The following PRRC2A variants were observed in gnomAD, a reference collection of about 807,000 sequenced individuals.
The protein encoded by PRRC2A is proline rich coiled-coil 2A.
Under a neutral mutation model 224.6 loss-of-function variants are expected in PRRC2A, and 59 were observed. That is an observed-to-expected ratio of 0.26 (90% CI 0.21 to 0.33). The LOEUF (loss-of-function observed/expected upper bound fraction) is 0.33. PRRC2A is among the 10% of genes least tolerant of loss of function. The pLI, the probability that PRRC2A is intolerant of heterozygous loss-of-function variation, is 1.00. For synonymous variants in PRRC2A, 1,194 were observed against 1,109.5 expected, an observed-to-expected ratio of 1.08 and a Z score of -1.51; for missense variants, 3,095 against 2,880.7, an observed-to-expected ratio of 1.07 and a Z score of -1.70.
Position 31,631,256 on chromosome 6 carries a change from C to G in PRRC2A, c.2583C>G (p.Pro861=). The G allele has an allele frequency of 6.2e-7, 1 of 1,612,362 alleles. No homozygotes were observed. Among genetic ancestry groups the G allele is most frequent in the South Asian group, 1.1e-5 (1 of 90,998 alleles). The change falls in exon 16 of 31, where the codon CCC becomes CCG. Residue 861 remains proline, a synonymous_variant. Coordinates refer to ENST00000376033, the MANE Select transcript of PRRC2A (RefSeq NM_004638.4). The surrounding 1 kb of genome is among the most constrained non-coding windows in gnomAD (Gnocchi z 4.5). The part of the protein sequence containing the change: ...ISRFPLEEPG[P]RPLPWPPGSD... Reference sequence around the variant, plus strand: ...GCTTTCCTCTGGAGGAACCAGGGCCCCGTCCACTCCCCTGGCCCCCAGGCA... The same window carrying G: ...GCTTTCCTCTGGAGGAACCAGGGCCGCGTCCACTCCCCTGGCCCCCAGGCA...
At position 31,633,921 on chromosome 6, in the gene PRRC2A, G is replaced by T; in HGVS notation, c.4651G>T (p.Ala1551Ser). Reference protein sequence around the residue: ...RGVGGTPRDSAGVSPFPPKRR... With the variant: ...RGVGGTPRDSSGVSPFPPKRR... The stretch of plus-strand genomic sequence containing the variant: ...GGTGGGTGGGACTCCTCGGGACTCT[G>T]CCGGGGTTAGTCCCTTTCCCCCTAA... The change falls in exon 18 of 31, where the codon GCC becomes TCC. Residue 1551 changes from alanine to serine, a missense_variant. Transcript: ENST00000376033. The T allele has an allele frequency of 6.3e-7, 1 of 1,588,714 alleles. No homozygotes were observed. Among genetic ancestry groups the T allele is most frequent in the Non-Finnish European group, 8.5e-7 (1 of 1,173,966 alleles).
At position 31,625,463 on chromosome 6, in the gene PRRC2A, C is replaced by G. The variant is rs766293194; in HGVS notation, c.611C>G (p.Ser204Cys). 1.3e-6 allele frequency: 2 copies of G among 1,598,446 alleles called. No individual in the cohort carries two copies. Among genetic ancestry groups the G allele is most frequent in the South Asian group, 2.2e-5 (2 of 89,802 alleles). The part of the protein sequence containing the change: ...GPGPSLRPQN[S>C]TTWRDGGGRG... ...CTCTACCTTTTCCAAAATACAGATT[C>G]TACAACTTGGAGGGACGGAGGTGGG... The change falls in exon 7 of 31, where the codon TCT becomes TGT. Residue 204 changes from serine (S) to cysteine (C), a missense_variant. Ser to Cys is a moderately radical substitution (Grantham distance 112, BLOSUM62 -1). Around this residue, in one of 8 missense-constraint regions of PRRC2A, gnomAD observed 287 missense variants for 275.3 expected, o/e 1.04. Transcript: ENST00000376033. The surrounding 1 kb of genome is among the most constrained non-coding windows in gnomAD (Gnocchi z 4.1).
At position 31,628,088 on chromosome 6, in the gene PRRC2A, A is replaced by G; in HGVS notation, c.1614A>G (p.Ser538=). ...LPAPPAPPPA[S]APTPETEPEE... Reference sequence around the variant, plus strand: ...CACCTCCAGCTCCACCTCCAGCATCAGCCCCAACACCAGAGACAGAACCTG... The same window carrying G: ...CACCTCCAGCTCCACCTCCAGCATCGGCCCCAACACCAGAGACAGAACCTG... The change falls in exon 12 of 31, where the codon TCA becomes TCG. Residue 538 remains serine, a synonymous_variant. Transcript: ENST00000376033. 1.2e-6 allele frequency: 2 copies of G among 1,613,050 alleles called. No homozygotes were observed. Among genetic ancestry groups the G allele is most frequent in the Non-Finnish European group, 1.7e-6 (2 of 1,179,940 alleles).
rs1776829930 is a variant in PRRC2A, at chr6:31,632,904, A to AG, written c.4232dup (p.Ser1411ArgfsTer74). 3.7e-6 allele frequency: 6 copies of AG among 1,612,692 alleles called. No individual in the cohort carries two copies. In the African/African-American group the frequency reaches 6.7e-5, roughly 18 times the overall value. ...GGGCAAGGCTGGCAGCAGTGGCAGC[A>AG]GCAGTGGAGGAGGCGGTGGGGGTCC... On this transcript the variant is annotated frameshift_variant, in exon 16 of 31. Coordinates refer to ENST00000376033, the MANE Select transcript of PRRC2A (RefSeq NM_004638.4). LOFTEE classifies it high-confidence loss of function.
Sources: allele counts gnomAD v4.1 joint callset, GRCh38; gene constraint gnomAD v4.1.1; regional missense constraint gnomAD v4.1.1; non-coding constraint Gnocchi (gnomAD v3.1); transcripts MANE v1.5; gene names NCBI Gene and HGNC (gene_info 2026-07-23, HGNC 2026-07-21).